Variants in KCNQ5 observed in about 807,000 individuals in gnomAD.
KCNQ5 encodes the protein potassium voltage-gated channel subfamily KQT member 5.
A neutral mutation model predicts 98.2 loss-of-function variants in KCNQ5; 30 were observed. That is an observed-to-expected ratio of 0.31 (90% CI 0.23 to 0.41). KCNQ5 has a LOEUF of 0.41. Ranked by LOEUF, KCNQ5 falls within the 10% of genes least tolerant of loss-of-function variation. The pLI, the probability that KCNQ5 is intolerant of heterozygous loss-of-function variation, is 1.00. For synonymous variants in KCNQ5, 458 were observed against 449.4 expected (o/e 1.02, Z -0.24); for missense variants, 835 against 1,182.5 (o/e 0.71, Z 4.31).
chr6:72,742,142 T>C (rs949417120), intron 1 of KCNQ5, among the ~76,000 whole-genome samples: 6 of 152,164 alleles, frequency 3.9e-5, no homozygotes, highest in African/African-American at 1.4e-4. Context: ...CTAGAGTGAC[T>C]TGTGGTCGGG....
chr6:72,856,015 A>G (rs558657911), intron 1 of KCNQ5, among the ~76,000 whole-genome samples: 1 of 152,354 alleles, frequency 6.6e-6, no homozygotes, highest in East Asian at 1.9e-4. Context: ...AGGAAAGTAT[A>G]CACTCTTACT....
In KCNQ5 at chr6:72,712,590, A is replaced by G. The variant is rs534721538; in HGVS notation, c.398+90003A>G. Among the ~76,000 whole-genome samples the G allele has an allele frequency of 2.2e-4, 34 of 152,308 alleles. 1 individual carries two copies. In the South Asian group the frequency reaches 7.1e-3, roughly 32 times the overall value. ...TGACACATTCTCAGCCTGGGTGGAT[A>G]TACGATAACATCATCATTCTTTGTA... On this transcript the variant is annotated intron_variant, in intron 1 of 13. Transcript: ENST00000370398.
At chr6:72,645,214 C>A (rs28716878) in intron 1 of KCNQ5, among the ~76,000 whole-genome samples, 63,257 of 139,968 alleles carry the variant, frequency 0.45, 17,957 homozygotes, top group African/African-American at 0.77. Context: ...CAAAAAAAAA[C>A]AAAAAAAAAC....
intron 1 of KCNQ5, among the ~76,000 whole-genome samples, chr6:72,687,053 T>A (rs948729086): frequency 6.6e-6 from 1 of 152,208 alleles, no homozygotes; most frequent in Non-Finnish European, 1.5e-5. Flanking sequence ...TCTTAACTTA[T>A]CAGTTAATTG....
chr6:72,789,368 G>T (rs904499668), intron 1 of KCNQ5, among the ~76,000 whole-genome samples: 1 of 152,114 alleles, frequency 6.6e-6, no homozygotes, highest in South Asian at 2.1e-4. Flanking sequence ...AAGTACAGAG[G>T]TGAAACGATT....
At chr6:72,674,117 T>C (rs1403902346) in intron 1 of KCNQ5, among the ~76,000 whole-genome samples, 2 of 152,168 alleles carry the variant, frequency 1.3e-5, no homozygotes, top group African/African-American at 4.8e-5. Flanking sequence ...CCGTGAATAG[T>C]AAGTGTCACT....
In KCNQ5 at chr6:72,655,862, A is replaced by G. The variant is rs148851132; in HGVS notation, c.398+33275A>G. Among the ~76,000 whole-genome samples, 228 of 152,280 alleles carry G rather than the reference A, an allele frequency of 1.5e-3. 1 individual carries two copies. Among genetic ancestry groups the G allele is most frequent in the African/African-American group, 5.1e-3 (212 of 41,570 alleles). On this transcript the variant is annotated intron_variant, in intron 1 of 13. Transcript: ENST00000370398. ...ATGAAGACAAATGGCAATTGGAGAA[A>G]CTGGCTGGGAACTTATTGTTATAGT...
chr6:72,752,567 A>G (rs1771737700), intron 1 of KCNQ5, among the ~76,000 whole-genome samples: 3 of 152,152 alleles, frequency 2.0e-5, no homozygotes, highest in South Asian at 4.1e-4. Context: ...GCAATCAATC[A>G]TCTTCAATTA....
chr6:72,903,705 A>T (rs1299694965), intron 1 of KCNQ5, among the ~76,000 whole-genome samples: 1 of 152,094 alleles, frequency 6.6e-6, no homozygotes, highest in Non-Finnish European at 1.5e-5. Flanking sequence ...TGCTTGATAT[A>T]ATTTCAATTT....
chr6:72,659,492 T>A (rs952128221), intron 1 of KCNQ5, among the ~76,000 whole-genome samples: 1 of 152,234 alleles, frequency 6.6e-6, no homozygotes, highest in Non-Finnish European at 1.5e-5. Flanking sequence ...TTTCTCAGAT[T>A]TCTGGAAGCT....
chr6:72,783,455 A>AAATCAC (rs1259397278), intron 1 of KCNQ5, among the ~76,000 whole-genome samples: 2 of 152,204 alleles, frequency 1.3e-5, no homozygotes, highest in African/African-American at 4.8e-5. Context: ...TGAAGTAACT[A>AAATCAC]AATCACAATA....
chr6:72,979,043 T>C (rs1051728781), intron 1 of KCNQ5, among the ~76,000 whole-genome samples: 40 of 152,268 alleles, frequency 2.6e-4, no homozygotes, highest in Non-Finnish European at 5.1e-4. Flanking sequence ...TTCCATGGTG[T>C]ATATGTGCCA....
Position 73,195,176 on chromosome 6 carries a change from C to T in KCNQ5, c.2561C>T (p.Ser854Phe), listed in dbSNP as rs764176777. The T allele has an allele frequency of 1.1e-5, 17 of 1,614,138 alleles. No individual in the cohort carries two copies. Among genetic ancestry groups the T allele is most frequent in the Non-Finnish European group, 4.2e-6 (5 of 1,180,028 alleles). Residue 854 changes from serine to phenylalanine, a missense_variant, in exon 14 of 14, where the codon TCC (serine) becomes TTC (phenylalanine). Physicochemically the swap from Ser to Phe is radical, Grantham distance 155. Around this residue, in one of 10 missense-constraint regions of KCNQ5, gnomAD observed 416 missense variants for 446.9 expected, o/e 0.93. Coordinates refer to ENST00000370398, the MANE Select transcript of KCNQ5 (RefSeq NM_019842.4). ...IQLSGSESSGSRGSQDFYPKW... is the reference protein window; with the variant it reads ...IQLSGSESSGFRGSQDFYPKW... The stretch of plus-strand genomic sequence containing the variant: ...CTTTCAGGGAGTGAGTCAAGTGGCT[C>T]CAGAGGCAGCCAAGATTTTTACCCC...
At chr6:73,081,972 C>G (rs982787500) in intron 5 of KCNQ5, among the ~76,000 whole-genome samples, 15 of 152,228 alleles carry the variant, frequency 9.9e-5, no homozygotes, top group African/African-American at 3.1e-4. Flanking sequence ...CAACTTTATG[C>G]CAACATTTCC....
At chr6:72,835,068 C>CT (rs200473348) in intron 1 of KCNQ5, among the ~76,000 whole-genome samples, 3 of 152,002 alleles carry the variant, frequency 2.0e-5, no homozygotes, top group Non-Finnish European at 4.4e-5. Flanking sequence ...CAAGTGGTAA[C>CT]TTTTTTTTCT....
intron 1 of KCNQ5, among the ~76,000 whole-genome samples, chr6:72,921,914 T>C (rs1780417188): frequency 6.6e-6 from 1 of 152,154 alleles, no homozygotes; most frequent in Admixed American, 6.6e-5. Context: ...CAGTTAAGGA[T>C]GTAAAGAAAA....
intron 10 of KCNQ5, among the ~76,000 whole-genome samples, chr6:73,159,506 A>G (rs7748040): frequency 0.05 from 7,552 of 152,308 alleles, 232 homozygotes; most frequent in Middle Eastern, 0.082. Context: ...ATAAAAATAA[A>G]AAGATTGCTG....
At chr6:73,110,726 A>G (rs1367536774) in intron 6 of KCNQ5, among the ~76,000 whole-genome samples, 2 of 152,206 alleles carry the variant, frequency 1.3e-5, no homozygotes, top group African/African-American at 4.8e-5. Context: ...GTAGGTGTAC[A>G]GTTATAACAT....
chr6:72,648,996 C>T (rs76464044), intron 1 of KCNQ5, among the ~76,000 whole-genome samples: 2,024 of 152,104 alleles, frequency 0.013, 31 homozygotes, highest in African/African-American at 0.042. Context: ...TGTGCTTAGT[C>T]GTATTACTCA....
Sources: gnomAD v4.1 joint callset for allele counts (sites outside exome capture counted in the v4.1 genomes callset) on GRCh38, gnomAD v4.1.1 for gene constraint, gnomAD v4.1.1 regional missense constraint, MANE v1.5 for transcripts, NCBI Gene and HGNC (gene_info 2026-07-23, HGNC 2026-07-21) for gene names.